EMP2: variants seen among roughly 807,000 people sequenced by gnomAD.
The protein encoded by EMP2 is epithelial membrane protein 2.
Under a neutral mutation model 13.7 loss-of-function variants are expected in EMP2, and 19 were observed. The ratio of observed to expected loss-of-function variants is 1.38; its 90% CI spans 0.97 to 2.03. The LOEUF (loss-of-function observed/expected upper bound fraction) is 2.03. EMP2 is among the 30% of genes most tolerant of loss of function. The pLI, the probability that EMP2 is intolerant of heterozygous loss-of-function variation, is 0.00. For synonymous variants in EMP2, 97 were observed against 84.7 expected, an observed-to-expected ratio of 1.15 and a Z score of -0.80; for missense variants, 253 against 220.7, an observed-to-expected ratio of 1.15 and a Z score of -0.93.
chr16:10,556,439 G>A (rs915372082), intron 1 of EMP2, among the ~76,000 whole-genome samples: 1 of 152,224 alleles, frequency 6.6e-6, no homozygotes, highest in South Asian at 2.1e-4. Context: ...CCTGCCAGGT[G>A]CAGCCTCAGC....
chr16:10,546,249 C>G (rs936912932), intron 2 of EMP2: 1 of 152,170 alleles, frequency 6.6e-6, no homozygotes, highest in South Asian at 2.1e-4. Context: ...GGTGGCCACT[C>G]GTATGGTGTA....
In EMP2 at chr16:10,543,586, G is replaced by C. The variant is rs146745761; in HGVS notation, c.153C>G (p.Ile51Met). ...CACACTTACCTTGAAAGCTGTCATT[G>C]ATGACTGTGCAATTCGTGTTGTTGG... Reference protein sequence around the residue: ...ICTNNTNCTVINDSFQEYSTL... With the variant: ...ICTNNTNCTVMNDSFQEYSTL... The change falls in exon 3 of 5, where the codon ATC becomes ATG. Residue 51 changes from isoleucine (I) to methionine (M), a missense_variant. Ile to Met is a conservative substitution (Grantham distance 10). Transcript: ENST00000359543. The C allele has an allele frequency of 1.0e-4, 161 of 1,614,112 alleles. No individual in the cohort carries two copies. The highest frequency in any genetic ancestry group is 1.3e-4 in the Non-Finnish European group (150 of 1,180,022).
At chr16:10,537,030 G>A (rs896400301) in intron 4 of EMP2, among the ~76,000 whole-genome samples, 1 of 152,164 alleles carries the variant, frequency 6.6e-6, no homozygotes, top group African/African-American at 2.4e-5. Context: ...CCTGGCCCGG[G>A]AGGTGGAGGG....
At chr16:10,569,579 C>G (rs1040633679) in intron 1 of EMP2, among the ~76,000 whole-genome samples, 1 of 152,184 alleles carries the variant, frequency 6.6e-6, no homozygotes, top group African/African-American at 2.4e-5. Flanking sequence ...CTCAACCTCC[C>G]AAAGTGCTGA....
chr16:10,565,575 T>C (rs1222654198), intron 1 of EMP2, among the ~76,000 whole-genome samples: 4 of 152,162 alleles, frequency 2.6e-5, no homozygotes, highest in Non-Finnish European at 5.9e-5. Flanking sequence ...TAAATATATA[T>C]GCACCCCTTT....
In EMP2 at chr16:10,547,646, G is replaced by A. The variant is rs2050750207; in HGVS notation, c.-29C>T. The A allele has an allele frequency of 6.2e-7, 1 of 1,612,482 alleles. No individual in the cohort carries two copies. Among genetic ancestry groups the A allele is most frequent in the Non-Finnish European group, 8.5e-7 (1 of 1,178,860 alleles). ...CACAGGGCAGGGCGAGTCGAGGCGA[G>A]GGGTCACGTTTAAAGCCCAGAGCGG... On this transcript the variant is annotated 5_prime_UTR_variant, in exon 2 of 5. Transcript: ENST00000359543.
At position 10,532,821 on chromosome 16, in the gene EMP2, A is replaced by C; in HGVS notation, c.*84T>G. 9.5e-7 allele frequency: 1 copy of C among 1,048,382 alleles called. No homozygotes were observed. 64.9% of individuals were successfully genotyped at this position (1,048,382 alleles called of 1,614,324 possible). A position where few individuals can be genotyped will look rare whatever the true frequency, so the allele number is the denominator to read the frequency against. On this transcript the variant is annotated 3_prime_UTR_variant, in exon 5 of 5. Transcript: ENST00000359543. The stretch of plus-strand genomic sequence containing the variant: ...AGGAAACAATACGTTTGCTAGAAAA[A>C]CCTCAAAAAATAATGATTATATACA...
In EMP2 at chr16:10,567,999, C is replaced by T. The variant is rs1416841010; in HGVS notation, c.-61+12550G>A. Among the ~76,000 whole-genome samples the T allele has an allele frequency of 3.9e-5, 6 of 152,202 alleles. No homozygotes were observed. The East Asian group carries it at 7.7e-4, about 20-fold the overall frequency. ...CAGAGCTGGGAGTGGAACACTCATACCCTTCACCACCGTCTTGCCTCAGGA... is the reference window on the plus strand; with the variant it reads ...CAGAGCTGGGAGTGGAACACTCATATCCTTCACCACCGTCTTGCCTCAGGA... On this transcript the variant is annotated intron_variant, in intron 1 of 4. Coordinates refer to ENST00000359543, the MANE Select transcript of EMP2 (RefSeq NM_001424.6).
intron 1 of EMP2, among the ~76,000 whole-genome samples, chr16:10,563,191 TTA>T (rs1567208704): frequency 1.3e-5 from 2 of 152,012 alleles, no homozygotes; most frequent in Non-Finnish European, 2.9e-5. Context: ...CTCTTTATTA[TTA>T]TTATTATTAT....
intron 1 of EMP2, among the ~76,000 whole-genome samples, chr16:10,571,171 C>A (rs1032010770): frequency 6.3e-5 from 9 of 142,870 alleles, no homozygotes; most frequent in Non-Finnish European, 1.3e-4. Flanking sequence ...GCAGGAGAAT[C>A]GCTTGAACCA....
chr16:10,565,117 T>G (rs1351735098), intron 1 of EMP2, among the ~76,000 whole-genome samples: 2 of 152,232 alleles, frequency 1.3e-5, no homozygotes, highest in African/African-American at 4.8e-5. Flanking sequence ...TAAAGTCATA[T>G]TCGCACAAAA....
chr16:10,553,812 G>A (rs2050807309), intron 1 of EMP2, among the ~76,000 whole-genome samples: 2 of 152,222 alleles, frequency 1.3e-5, no homozygotes, highest in East Asian at 1.9e-4. Flanking sequence ...ATACGGCACT[G>A]CCAACGAGCA....
intron 1 of EMP2, among the ~76,000 whole-genome samples, chr16:10,574,457 C>T (rs1343619956): frequency 6.6e-6 from 1 of 152,156 alleles, no homozygotes; most frequent in East Asian, 1.9e-4. Flanking sequence ...CTCCCTGCTC[C>T]ATCTCCCTCC....
chr16:10,571,922 A>T (rs1292480904), intron 1 of EMP2, among the ~76,000 whole-genome samples: 1 of 152,210 alleles, frequency 6.6e-6, no homozygotes, highest in Non-Finnish European at 1.5e-5. Context: ...CACTGCTGTC[A>T]GCCTCTCCTG....
At chr16:10,544,168 CTT>C (rs57786214) in intron 2 of EMP2, 4,782 of 149,306 alleles carry the variant, frequency 0.032, 137 homozygotes, top group South Asian at 0.11. Flanking sequence ...TTCTACATTT[CTT>C]TTTTTTTTTC....
intron 3 of EMP2, among the ~76,000 whole-genome samples, chr16:10,541,711 G>C (rs2050700257): frequency 6.6e-6 from 1 of 152,142 alleles, no homozygotes; most frequent in African/African-American, 2.4e-5. Context: ...AGCACCGATG[G>C]TGTTCCGTGG....
chr16:10,559,461 T>C (rs937002639), intron 1 of EMP2, among the ~76,000 whole-genome samples: 1 of 152,230 alleles, frequency 6.6e-6, no homozygotes. Context: ...CACTGGAATT[T>C]GGCAGTGCCC....
chr16:10,554,363 G>A (rs542394569), intron 1 of EMP2, among the ~76,000 whole-genome samples: 1 of 152,158 alleles, frequency 6.6e-6, no homozygotes, highest in African/African-American at 2.4e-5. Flanking sequence ...GCATTTATGT[G>A]AGTGGGTGGA....
At chr16:10,543,507 T>C in intron 3 of EMP2, 63 bp downstream of exon 3, 1 of 1,577,038 alleles carries the variant, frequency 6.3e-7, no homozygotes, top group Non-Finnish European at 8.7e-7. Context: ...ACCCGAAGCC[T>C]CACTCCTGAC....
Sources: gnomAD v4.1 joint callset for allele counts (sites outside exome capture counted in the v4.1 genomes callset) on GRCh38, gnomAD v4.1.1 for gene constraint, MANE v1.5 for transcripts, NCBI Gene and HGNC (gene_info 2026-07-23, HGNC 2026-07-21) for gene names.